The following CFAP100 variants were observed in gnomAD, a reference collection of about 807,000 sequenced individuals.
CFAP100 encodes the protein cilia and flagella associated protein 100, also known as cilia- and flagella-associated protein 100.
CFAP100 carries 70 observed loss-of-function variants against 81.5 expected under a neutral mutation model. The ratio of observed to expected loss-of-function variants is 0.86; its 90% CI spans 0.71 to 1.05. The LOEUF is 1.05. Ranked by LOEUF, CFAP100 falls within the 50% of genes least tolerant of loss-of-function variation. CFAP100 has a pLI of 0.00. For synonymous variants in CFAP100, 341 were observed against 314.8 expected, an observed-to-expected ratio of 1.08 and a Z score of -0.88; for missense variants, 811 against 776.5, an observed-to-expected ratio of 1.04 and a Z score of -0.53.
intron 2 of CFAP100, among the ~76,000 whole-genome samples, chr3:126,403,107 T>C (rs1017070915): frequency 6.6e-6 from 1 of 152,092 alleles, no homozygotes; most frequent in African/African-American, 2.4e-5. Context: ...AGGAGCTCAG[T>C]TGGCGATGTG....
At position 126,434,207 on chromosome 3, in the gene CFAP100, T is replaced by C. The variant is rs771497636; in HGVS notation, c.1454T>C (p.Val485Ala). The change falls in exon 15 of 17, where the codon GTG becomes GCG. Residue 485 changes from valine to alanine, a missense_variant. Physicochemically the swap from Val to Ala is moderately conservative, Grantham distance 64. Coordinates refer to ENST00000352312, the MANE Select transcript of CFAP100 (RefSeq NM_182628.3). ...CTGCTAGAGAGCCTGAACTGCAAGG[T>C]GCTGGATGTGTACCGGCACTGCACC... ...DKLLESLNCK[V>A]LDVYRHCTGT... 34 of 1,613,618 alleles carry C rather than the reference T, an allele frequency of 2.1e-5. 1 individual carries two copies. The South Asian group carries it at 3.6e-4, about 17-fold the overall frequency.
Position 126,414,986 on chromosome 3 carries a change from T to C in CFAP100, c.225+807T>C, listed in dbSNP as rs1286853707. Among the ~76,000 whole-genome samples the C allele has an allele frequency of 1.1e-4, 16 of 152,318 alleles. No individual in the cohort carries two copies. In the South Asian group the frequency reaches 3.1e-3, roughly 30 times the overall value. On this transcript the variant is annotated intron_variant, in intron 4 of 16. Coordinates refer to ENST00000352312, the MANE Select transcript of CFAP100 (RefSeq NM_182628.3). ...GGTGGAGATGCACAGGCTTCAGCCCTGCCCAGGCCTCCACATCAGAGACCA... is the reference window on the plus strand; with the variant it reads ...GGTGGAGATGCACAGGCTTCAGCCCCGCCCAGGCCTCCACATCAGAGACCA...
At position 126,420,161 on chromosome 3, in the gene CFAP100, C is replaced by T; in HGVS notation, c.1014C>T (p.Ser338=). ...TGCAGACGATGCGGCTGGGGCGGAGCCCGTCTTACCTGAGCAGCCCCCAGC... is the reference window on the plus strand; with the variant it reads ...TGCAGACGATGCGGCTGGGGCGGAGTCCGTCTTACCTGAGCAGCCCCCAGC... ...RFLQTMRLGR[S]PSYLSSPQQG... is the part of the protein sequence containing the mutation. Residue 338 remains serine (S), a synonymous_variant, in exon 11 of 17, where the codon AGC becomes AGT. Transcript: ENST00000352312. 3 of 1,612,710 alleles carry T rather than the reference C, an allele frequency of 1.9e-6. No homozygotes were observed. Among genetic ancestry groups the T allele is most frequent in the Non-Finnish European group, 1.7e-6 (2 of 1,179,972 alleles).
intron 13 of CFAP100, among the ~76,000 whole-genome samples, chr3:126,429,107 CAA>C (rs57773311): frequency 0.035 from 3,326 of 94,916 alleles, 40 homozygotes; most frequent in African/African-American, 0.1. Context: ...CGTCTCCATC[CAA>C]AAAAAAAAAA....
rs150558568 is a variant in CFAP100, at chr3:126,421,489, C to T, written c.1082+1260C>T. 1.4e-4 allele frequency among the ~76,000 whole-genome samples: 21 copies of T among 152,338 alleles called. No individual in the cohort carries two copies. The East Asian group carries it at 4.0e-3, about 29-fold the overall frequency. On this transcript the variant is annotated intron_variant, in intron 11 of 16. Transcript: ENST00000352312. ...TCTGGAAGCTGATGCTTTTTATCGG[C>T]TTGGATAAGGGTGGCAGAAGCAGGG... is the stretch of plus-strand genomic sequence containing the variant.
At chr3:126,403,668 C>A (rs1477920706) in intron 2 of CFAP100, among the ~76,000 whole-genome samples, 2 of 152,166 alleles carry the variant, frequency 1.3e-5, no homozygotes, top group African/African-American at 2.4e-5. Flanking sequence ...CAGGCGTAAA[C>A]CACCGCACCT....
Position 126,436,296 on chromosome 3 carries a change from C to A in CFAP100, c.1728C>A (p.Gly576=). The A allele has an allele frequency of 1.2e-6, 2 of 1,613,306 alleles. No homozygotes were observed. The highest frequency in any genetic ancestry group is 1.7e-4 in the Middle Eastern group (1 of 5,968). ...RAQAEIKKKR[G]RTLVCRSRPP... is the part of the protein sequence containing the mutation. ...TGGGCTTGTTTCCCCTGCAGAGAGGCAGGACACTGGTATGCCGCTCACGAC... is the reference window on the plus strand; with the variant it reads ...TGGGCTTGTTTCCCCTGCAGAGAGGAAGGACACTGGTATGCCGCTCACGAC... Residue 576 remains glycine, a synonymous_variant, in exon 17 of 17, where the codon GGC becomes GGA. Transcript: ENST00000352312.
intron 2 of CFAP100, among the ~76,000 whole-genome samples, chr3:126,405,474 C>T (rs1324530063): frequency 1.3e-5 from 2 of 152,210 alleles, no homozygotes; most frequent in South Asian, 4.2e-4. Flanking sequence ...ACCAGCCCGG[C>T]CAACATAGTG....
chr3:126,436,273 G>T lies in CFAP100; in HGVS notation c.1723-18G>T, dbSNP rs1334138747. 1.2e-6 allele frequency: 2 copies of T among 1,605,242 alleles called. No individual in the cohort carries two copies. The highest frequency in any genetic ancestry group is 1.1e-5 in the South Asian group (1 of 90,652). On this transcript the variant is annotated intron_variant, in intron 16 of 16. Coordinates refer to ENST00000352312, the MANE Select transcript of CFAP100 (RefSeq NM_182628.3). ...GCTCACTAGGCAGCAAGGCTCACTGGGCTTGTTTCCCCTGCAGAGAGGCAG... is the reference window on the plus strand; with the variant it reads ...GCTCACTAGGCAGCAAGGCTCACTGTGCTTGTTTCCCCTGCAGAGAGGCAG...
intron 3 of CFAP100, among the ~76,000 whole-genome samples, chr3:126,410,504 CT>C (rs934540064): frequency 9.4e-5 from 14 of 149,508 alleles, no homozygotes; most frequent in Admixed American, 4.0e-4. Flanking sequence ...TTCTGCCTTT[CT>C]TTTTTTTTTC....
intron 2 of CFAP100, among the ~76,000 whole-genome samples, chr3:126,397,226 G>A (rs2082903690): frequency 1.3e-5 from 2 of 152,014 alleles, no homozygotes; most frequent in African/African-American, 4.8e-5. Context: ...TTTCAGTATG[G>A]CTGTATCATA....
chr3:126,419,622 C>T lies in CFAP100; in HGVS notation c.732-15C>T, dbSNP rs777898137. 32 of 1,610,400 alleles carry T rather than the reference C, an allele frequency of 2.0e-5. 1 individual carries two copies. In the South Asian group the frequency reaches 3.4e-4, roughly 17 times the overall value. On this transcript the variant is annotated splice_polypyrimidine_tract_variant and intron_variant, in intron 8 of 16. Coordinates refer to ENST00000352312, the MANE Select transcript of CFAP100 (RefSeq NM_182628.3). The stretch of plus-strand genomic sequence containing the variant: ...GACCTCCTCCTTCCCACATCCTCAC[C>T]CCGCCCCGGTGTAGTGAGATCTCCA...
At chr3:126,410,082 T>C (rs2083130847) in intron 3 of CFAP100, among the ~76,000 whole-genome samples, 1 of 152,158 alleles carries the variant, frequency 6.6e-6, no homozygotes, top group South Asian at 2.1e-4. Flanking sequence ...GAGCCTGTAG[T>C]CCCAGCTACT....
intron 11 of CFAP100, 150 bp downstream of exon 11, chr3:126,420,379 A>G: frequency 4.3e-6 from 5 of 1,159,476 alleles, no homozygotes; most frequent in South Asian, 1.6e-5. Context: ...GGGACGTCCC[A>G]GGCCGGCCAG....
chr3:126,416,574 C>T (rs1364202855), intron 5 of CFAP100, 66 bp downstream of exon 5: 9 of 1,311,034 alleles, frequency 6.9e-6, no homozygotes, highest in African/African-American at 4.5e-5. Flanking sequence ...TCAGGGGGCG[C>T]GCCTGGAACC....
At chr3:126,409,750 C>T (rs1212473901) in intron 3 of CFAP100, among the ~76,000 whole-genome samples, 2 of 152,230 alleles carry the variant, frequency 1.3e-5, no homozygotes, top group Non-Finnish European at 2.9e-5. Context: ...CTGTTTCCAT[C>T]TTCTGCCCAC....
chr3:126,398,400 G>T (rs1417226381), intron 2 of CFAP100, among the ~76,000 whole-genome samples: 1 of 152,192 alleles, frequency 6.6e-6, no homozygotes, highest in Non-Finnish European at 1.5e-5. Flanking sequence ...TATTTCCCAA[G>T]ACACCAGGCT....
intron 2 of CFAP100, among the ~76,000 whole-genome samples, chr3:126,406,912 G>A (rs2083072294): frequency 6.6e-6 from 1 of 152,244 alleles, no homozygotes; most frequent in African/African-American, 2.4e-5. Context: ...ACACACTGAA[G>A]GATGGGAAAG....
In CFAP100 at chr3:126,419,616, C is replaced by T. The variant is rs754166694; in HGVS notation, c.732-21C>T. On this transcript the variant is annotated intron_variant, in intron 8 of 16. Transcript: ENST00000352312. ...GAGGCTGACCTCCTCCTTCCCACAT[C>T]CTCACCCCGCCCCGGTGTAGTGAGA... 5.2e-5 allele frequency: 83 copies of T among 1,608,790 alleles called. 1 individual carries two copies. The South Asian group carries it at 8.9e-4, about 17-fold the overall frequency.
Sources: allele counts gnomAD v4.1 joint callset (sites outside exome capture counted in the v4.1 genomes callset), GRCh38; gene constraint gnomAD v4.1.1; transcripts MANE v1.5; gene names NCBI Gene and HGNC (gene_info 2026-07-23, HGNC 2026-07-21).